The following UTS2 variants were observed in gnomAD, a reference collection of about 807,000 sequenced individuals.
UTS2 encodes the protein urotensin-2.
UTS2 carries 10 observed loss-of-function variants against 12.6 expected under a neutral mutation model. That is an observed-to-expected ratio of 0.80 (90% confidence interval 0.49 to 1.35). The LOEUF (loss-of-function observed/expected upper bound fraction) is 1.35. UTS2 is among the 40% of genes most tolerant of loss of function. The probability of loss-of-function intolerance (pLI) is 0.00; values close to 1 mark genes in which losing one functional copy is unlikely to be tolerated. For synonymous variants in UTS2, 52 were observed against 50.0 expected (o/e 1.04, Z -0.17); for missense variants, 142 against 143.2 (o/e 0.99, Z 0.04).
At chr1:7,911,119 G>C in the UTS2 span, among the ~76,000 whole-genome samples, 1 of 151,944 alleles carries the variant, frequency 6.6e-6, no homozygotes, top group Non-Finnish European at 1.5e-5. Flanking sequence ...GACCCAAGAC[G>C]GCTATCAGAC....
At chr1:7,886,468 T>C in the UTS2 span, among the ~76,000 whole-genome samples, 2 of 152,186 alleles carry the variant, frequency 1.3e-5, no homozygotes, top group Non-Finnish European at 2.9e-5. Context: ...CTGAACGATG[T>C]AGACCAATCA....
At chr1:7,887,545 G>A in the UTS2 span, among the ~76,000 whole-genome samples, 8 of 143,016 alleles carry the variant, frequency 5.6e-5, no homozygotes, top group East Asian at 1.2e-3. Flanking sequence ...GTTTACTTGA[G>A]CCCAGGAGTT....
At chr1:7,875,459 T>C in the UTS2 span, among the ~76,000 whole-genome samples, 1 of 152,158 alleles carries the variant, frequency 6.6e-6, no homozygotes. Context: ...CCGGCTTGCC[T>C]GGGCACCTTC....
At chr1:7,849,240 G>A (rs1257326149) in intron 3 of UTS2, among the ~76,000 whole-genome samples, 2 of 151,844 alleles carry the variant, frequency 1.3e-5, no homozygotes, top group Non-Finnish European at 1.5e-5. Flanking sequence ...TTGAGATGAA[G>A]TCTCATTCTT....
At chr1:7,880,429 GA>G in the UTS2 span, among the ~76,000 whole-genome samples, 4 of 133,552 alleles carry the variant, frequency 3.0e-5, no homozygotes, top group Admixed American at 7.6e-5. Context: ...GGGGAGGGGG[GA>G]GGGGGGCGGC....
chr1:7,848,599 CA>C (rs1368924602), intron 3 of UTS2, among the ~76,000 whole-genome samples: 1 of 152,088 alleles, frequency 6.6e-6, no homozygotes, highest in Non-Finnish European at 1.5e-5. Flanking sequence ...CCTCTCACTG[CA>C]ACCCCCGCCT....
At chr1:7,865,103 G>A in the UTS2 span, among the ~76,000 whole-genome samples, 1 of 14,908 alleles carries the variant, frequency 6.7e-5, no homozygotes, top group African/African-American at 1.7e-4. Flanking sequence ...CTGTCTGTCC[G>A]ATACCATCTT....
chr1:7,908,830 G>A, the UTS2 span, among the ~76,000 whole-genome samples: 8 of 149,634 alleles, frequency 5.3e-5, no homozygotes, highest in Non-Finnish European at 1.2e-4. Flanking sequence ...TTTTTGAGAC[G>A]GAGTTTTGCT....
the UTS2 span, among the ~76,000 whole-genome samples, chr1:7,891,012 G>C: frequency 4.1e-5 from 6 of 146,632 alleles, no homozygotes; most frequent in Admixed American, 4.2e-4. Flanking sequence ...CTGCTAACAA[G>C]TGAATGGGCA....
chr1:7,863,024 T>C, the UTS2 span, among the ~76,000 whole-genome samples: 2 of 24,472 alleles, frequency 8.2e-5, no homozygotes, highest in African/African-American at 2.6e-4. Flanking sequence ...TATTGTATTG[T>C]ATTGTATTGT....
the UTS2 span, among the ~76,000 whole-genome samples, chr1:7,894,132 C>CA: frequency 6.9e-6 from 1 of 144,662 alleles, no homozygotes; most frequent in Non-Finnish European, 1.5e-5. Context: ...TCTCTGATTT[C>CA]TTTTTTTTTT....
chr1:7,857,132 G>GAAGGAAGGA (rs1362943892), upstream of UTS2, among the ~76,000 whole-genome samples: 1 of 151,590 alleles, frequency 6.6e-6, no homozygotes, highest in Non-Finnish European at 1.5e-5. Context: ...AGGAAGGAAG[G>GAAGGAAGGA]AAGGAAGGAA....
At chr1:7,877,921 A>G in the UTS2 span, among the ~76,000 whole-genome samples, 1 of 152,200 alleles carries the variant, frequency 6.6e-6, no homozygotes, top group South Asian at 2.1e-4. Context: ...TGCAAGACAT[A>G]TAAGCATCCA....
chr1:7,900,517 C>T, the UTS2 span, among the ~76,000 whole-genome samples: 1 of 152,196 alleles, frequency 6.6e-6, no homozygotes, highest in Admixed American at 6.5e-5. Flanking sequence ...TGGCTCACGC[C>T]TGTAATCTCA....
upstream of UTS2, among the ~76,000 whole-genome samples, chr1:7,857,789 G>A (rs1363590500): frequency 3.4e-5 from 5 of 148,890 alleles, no homozygotes; most frequent in Admixed American, 1.4e-4. Context: ...GGTTGAGGTT[G>A]CAGTGAGCCG....
At chr1:7,859,163 C>T in the UTS2 span, among the ~76,000 whole-genome samples, 1 of 152,138 alleles carries the variant, frequency 6.6e-6, no homozygotes, top group African/African-American at 2.4e-5. Flanking sequence ...TTCTGAACTT[C>T]CTGCAGACAT....
the UTS2 span, among the ~76,000 whole-genome samples, chr1:7,901,636 A>G: frequency 7.5e-5 from 11 of 146,390 alleles, no homozygotes; most frequent in African/African-American, 2.2e-4. Flanking sequence ...GTGTGTATAT[A>G]TATATTTATA....
chr1:7,873,650 G>A, the UTS2 span, among the ~76,000 whole-genome samples: 1 of 152,204 alleles, frequency 6.6e-6, no homozygotes. Flanking sequence ...ACGAGGAGTT[G>A]CTTCCTATGG....
chr1:7,852,750 A>C, intron 1 of UTS2, 151 bp downstream of exon 1: 1 of 825,992 alleles, frequency 1.2e-6, no homozygotes. Context: ...TGCAGTAAGG[A>C]TCCTTTAATA....
Sources: allele counts gnomAD v4.1 joint callset (sites outside exome capture counted in the v4.1 genomes callset), GRCh38; gene constraint gnomAD v4.1.1; transcripts MANE v1.5; gene names NCBI Gene and HGNC (gene_info 2026-07-23, HGNC 2026-07-21).